DDIAS: variants seen among roughly 807,000 people sequenced by gnomAD.
The protein encoded by DDIAS is DNA damage-induced apoptosis suppressor protein.
DDIAS carries 14 observed loss-of-function variants against 15.7 expected under a neutral mutation model. The ratio of observed to expected loss-of-function variants is 0.89; its 90% CI spans 0.59 to 1.39. The LOEUF (loss-of-function observed/expected upper bound fraction) is 1.39, where lower values mean the gene tolerates loss of function less well. Among genes scored for constraint, DDIAS ranks in the 40% most tolerant of loss-of-function variants. The probability of loss-of-function intolerance (pLI) is 0.00; values close to 1 mark genes in which losing one functional copy is unlikely to be tolerated. For missense variants in DDIAS, 1,035 were observed against 1,130.9 expected, an observed-to-expected ratio of 0.92 and a Z score of 1.22; for synonymous variants, 355 against 395.9, an observed-to-expected ratio of 0.90 and a Z score of 1.23.
At chr11:82,911,098 T>A (rs968214241) in intron 1 of DDIAS, among the ~76,000 whole-genome samples, 3 of 152,228 alleles carry the variant, frequency 2.0e-5, no homozygotes, top group Admixed American at 6.5e-5. Flanking sequence ...GAGCCTTCAA[T>A]GAGTCATAAT....
intron 1 of DDIAS, among the ~76,000 whole-genome samples, chr11:82,912,180 AAG>A (rs1860541369): frequency 6.6e-6 from 1 of 152,158 alleles, no homozygotes; most frequent in Non-Finnish European, 1.5e-5. Flanking sequence ...CACCCCTAAC[AAG>A]AGAGTTAGCC....
chr11:82,918,299 A>T (rs1037453015), intron 3 of DDIAS, among the ~76,000 whole-genome samples: 2 of 152,164 alleles, frequency 1.3e-5, no homozygotes, highest in African/African-American at 4.8e-5. Flanking sequence ...ATTCTCCTAC[A>T]TGTGGCTAGC....
At position 82,932,076 on chromosome 11, in the gene DDIAS, T is replaced by C; in HGVS notation, c.738T>C (p.Thr246=). The change falls in exon 6 of 6, where the codon ACT becomes ACC. Residue 246 remains threonine, a synonymous_variant. Transcript: ENST00000533655. ...TCTGGCAGCCATCACTTGAATTCACTTGCATTGTTTCACAACTAACAGATA... is the reference window on the plus strand; with the variant it reads ...TCTGGCAGCCATCACTTGAATTCACCTGCATTGTTTCACAACTAACAGATA... ...SKFWQPSLEF[T]CIVSQLTDND... The C allele has an allele frequency of 6.2e-7, 1 of 1,614,146 alleles. No homozygotes were observed.
Position 82,932,713 on chromosome 11 carries a change from AGCAGG to A in DDIAS, c.1376_1380del (p.Ser459IlefsTer31). 6.2e-7 allele frequency: 1 copy of A among 1,614,138 alleles called. No individual in the cohort carries two copies. The highest frequency in any genetic ancestry group is 8.5e-7 in the Non-Finnish European group (1 of 1,180,036). On this transcript the variant is annotated frameshift_variant, in exon 6 of 6. Transcript: ENST00000533655. LOFTEE classifies it low-confidence loss of function (END_TRUNC). ...CATTGATAAATTTCATGCAGACCAC[AGCAGG>A]TTATCTGTGACTCCCCAGAGAACTA...
chr11:82,927,962 G>A (rs1462405840), intron 3 of DDIAS, among the ~76,000 whole-genome samples: 1 of 152,020 alleles, frequency 6.6e-6, no homozygotes, highest in Non-Finnish European at 1.5e-5. Context: ...ATGTAGATGT[G>A]TACTTTTTGA....
At chr11:82,908,665 T>C (rs1407097602) in intron 1 of DDIAS, among the ~76,000 whole-genome samples, 1 of 152,232 alleles carries the variant, frequency 6.6e-6, no homozygotes, top group East Asian at 1.9e-4. Context: ...AAATCAAAAC[T>C]ACATTGTTAT....
chr11:82,926,416 T>C (rs150719217), intron 3 of DDIAS, among the ~76,000 whole-genome samples: 33 of 152,234 alleles, frequency 2.2e-4, no homozygotes, highest in African/African-American at 7.2e-4. Flanking sequence ...ATAAAAAAAA[T>C]AGATACTATT....
Position 82,905,928 on chromosome 11 carries a change from A to C in DDIAS, c.-117+4106A>C, listed in dbSNP as rs144245321. Among the ~76,000 whole-genome samples the C allele has an allele frequency of 2.3e-3, 350 of 152,328 alleles. 2 individuals are homozygous for C. Among genetic ancestry groups the C allele is most frequent in the African/African-American group, 8.2e-3 (339 of 41,584 alleles). On this transcript the variant is annotated intron_variant, in intron 1 of 5. Transcript: ENST00000533655. ...AAAGATAAACTGCAAAAGATACCAC[A>C]TATGAAATTGTTCCCAAGTGTATCA...
intron 1 of DDIAS, among the ~76,000 whole-genome samples, chr11:82,911,954 T>C (rs1227650547): frequency 6.6e-6 from 1 of 152,220 alleles, no homozygotes; most frequent in Non-Finnish European, 1.5e-5. Context: ...TGAGCATTAA[T>C]ATGTTGAAAG....
Position 82,934,467 on chromosome 11 carries a change from C to T in DDIAS, c.*132C>T. On this transcript the variant is annotated 3_prime_UTR_variant, in exon 6 of 6. Transcript: ENST00000533655. ...ATTGAAAACAGGACTCTGCTGGGAG[C>T]TACTGTGCCTTTTAAAATATAAAGC... 5.8e-6 allele frequency: 5 copies of T among 861,582 alleles called. No individual in the cohort carries two copies. The highest frequency in any genetic ancestry group is 8.5e-6 in the Non-Finnish European group (5 of 590,434). 53.4% of individuals were successfully genotyped at this position (861,582 alleles called of 1,614,324 possible).
chr11:82,927,960 G>A (rs1320331422), intron 3 of DDIAS, among the ~76,000 whole-genome samples: 2 of 152,112 alleles, frequency 1.3e-5, no homozygotes, highest in Non-Finnish European at 2.9e-5. Flanking sequence ...CCATGTAGAT[G>A]TGTACTTTTT....
chr11:82,921,100 T>G (rs1449541920), intron 3 of DDIAS, among the ~76,000 whole-genome samples: 1 of 152,220 alleles, frequency 6.6e-6, no homozygotes, highest in East Asian at 1.9e-4. Context: ...ATATTTCTCG[T>G]TGGACAAGGC....
At chr11:82,926,573 G>A (rs937472627) in intron 3 of DDIAS, among the ~76,000 whole-genome samples, 4 of 152,202 alleles carry the variant, frequency 2.6e-5, no homozygotes, top group Non-Finnish European at 4.4e-5. Context: ...GGACGGTGAT[G>A]TGAATATGTT....
rs1861060298 is a variant in DDIAS, at chr11:82,933,925, G to A, written c.2587G>A (p.Glu863Lys). 18 of 1,613,522 alleles carry A rather than the reference G, an allele frequency of 1.1e-5. No homozygotes were observed. The highest frequency in any genetic ancestry group is 1.5e-5 in the Non-Finnish European group (18 of 1,179,888). Residue 863 changes from glutamate to lysine, a missense_variant, in exon 6 of 6, where the codon GAA becomes AAA. Transcript: ENST00000533655. ...FAECHETDSD[E>K]WVPPTTQKIF... ...TGAGTGCCATGAAACTGATAGTGATGAATGGGTCCCTCCTACCACACAAAA... is the reference window on the plus strand; with the variant it reads ...TGAGTGCCATGAAACTGATAGTGATAAATGGGTCCCTCCTACCACACAAAA...
chr11:82,907,852 ATATT>A (rs1241775179), intron 1 of DDIAS, among the ~76,000 whole-genome samples: 2 of 152,182 alleles, frequency 1.3e-5, no homozygotes. Context: ...CATTCAATAA[ATATT>A]TATTGTGAAC....
intron 1 of DDIAS, among the ~76,000 whole-genome samples, chr11:82,910,606 CTTTTTTTTTTTTTTTTT>C (rs869173859): frequency 1.1e-5 from 1 of 89,110 alleles, no homozygotes; most frequent in Non-Finnish European, 2.0e-5. Context: ...CTCTCTCTCT[CTTTTTTTTTTTTTTTTT>C]TTTTTTTTTT....
At chr11:82,929,678 T>C (rs1399724136) in intron 4 of DDIAS, among the ~76,000 whole-genome samples, 2 of 138,054 alleles carry the variant, frequency 1.4e-5, no homozygotes. Context: ...CACTCCAGCC[T>C]GGGAGACAGA....
intron 4 of DDIAS, among the ~76,000 whole-genome samples, chr11:82,929,320 T>C (rs562634002): frequency 6.6e-6 from 1 of 152,348 alleles, no homozygotes; most frequent in East Asian, 1.9e-4. Context: ...ATTTCAGAAA[T>C]TGAAATTTTA....
At position 82,933,348 on chromosome 11, in the gene DDIAS, A is replaced by G; in HGVS notation, c.2010A>G (p.Glu670=). The G allele has an allele frequency of 6.2e-7, 1 of 1,614,064 alleles. No homozygotes were observed. The highest frequency in any genetic ancestry group is 8.5e-7 in the Non-Finnish European group (1 of 1,179,980). ...NVTQSYSIGY[E]GSYDASADLF... The stretch of plus-strand genomic sequence containing the variant: ...CACAGAGCTATTCTATTGGTTATGA[A>G]GGTAGCTATGATGCCTCTGCTGATC... The change falls in exon 6 of 6, where the codon GAA becomes GAG. Residue 670 remains glutamate (E), a synonymous_variant. Transcript: ENST00000533655.
Sources: gnomAD v4.1 joint callset for allele counts (sites outside exome capture counted in the v4.1 genomes callset) on GRCh38, gnomAD v4.1.1 for gene constraint, MANE v1.5 for transcripts, NCBI Gene and HGNC (gene_info 2026-07-23, HGNC 2026-07-21) for gene names.